The following MTMR9 variants were observed in gnomAD, a reference collection of about 807,000 sequenced individuals.
MTMR9 encodes the protein myotubularin-related protein 9.
A neutral mutation model predicts 69.5 loss-of-function variants in MTMR9; 39 were observed. The ratio of observed to expected loss-of-function variants is 0.56; its 90% CI spans 0.43 to 0.73. The LOEUF (loss-of-function observed/expected upper bound fraction) is 0.73, where lower values mean the gene tolerates loss of function less well. Among genes scored for constraint, MTMR9 ranks in the 30% least tolerant of loss-of-function variants. MTMR9 has a pLI of 0.00. For missense variants in MTMR9, 900 were observed against 671.2 expected (o/e 1.34, Z -3.77); for synonymous variants, 354 against 240.8 (o/e 1.47, Z -4.35).
intron 3 of MTMR9, among the ~76,000 whole-genome samples, chr8:11,304,008 G>A (rs1397630665): frequency 6.6e-6 from 1 of 151,662 alleles, no homozygotes; most frequent in East Asian, 1.9e-4. Flanking sequence ...CCATGGTTAG[G>A]CCAACTCAGA....
At chr8:11,334,192 T>C in the MTMR9 span, among the ~76,000 whole-genome samples, 28 of 152,204 alleles carry the variant, frequency 1.8e-4, no homozygotes, top group African/African-American at 4.6e-4. Flanking sequence ...TATTCTGTTA[T>C]AGTAGCAGAA....
intron 3 of MTMR9, among the ~76,000 whole-genome samples, chr8:11,301,786 A>G (rs1799756721): frequency 6.6e-6 from 1 of 152,222 alleles, no homozygotes; most frequent in African/African-American, 2.4e-5. Context: ...TCTAATGCAA[A>G]TGTTAAGTAG....
At chr8:11,298,662 C>G (rs1799637428) in intron 2 of MTMR9, 1 of 706,444 alleles carries the variant, frequency 1.4e-6, no homozygotes, top group Non-Finnish European at 1.7e-6. Flanking sequence ...AGGTGAATGT[C>G]TCCATCATTC....
Position 11,300,082 on chromosome 8 carries a change from T to G in MTMR9, c.351T>G (p.Phe117Leu), listed in dbSNP as rs1563271338. 1 of 1,613,748 alleles carries G rather than the reference T, an allele frequency of 6.2e-7. No homozygotes were observed. Among genetic ancestry groups the G allele is most frequent in the South Asian group, 1.1e-5 (1 of 91,084 alleles). ...LMYPFFYRPMFEVIEDGWHSF... is the reference protein window; with the variant it reads ...LMYPFFYRPMLEVIEDGWHSF... ...ACCCTTTCTTTTACCGTCCTATGTT[T>G]GAAGTGATAGAAGATGGCTGGCATT... Residue 117 changes from phenylalanine to leucine, a missense_variant, in exon 3 of 10, where the codon TTT (phenylalanine) becomes TTG (leucine). Phe to Leu is a conservative substitution (Grantham distance 22). Transcript: ENST00000221086.
At chr8:11,312,079 C>T (rs950538816) in intron 6 of MTMR9, among the ~76,000 whole-genome samples, 1 of 152,150 alleles carries the variant, frequency 6.6e-6, no homozygotes, top group Non-Finnish European at 1.5e-5. Context: ...GGGCCTTGCT[C>T]TGTCACCCAG....
chr8:11,305,386 G>A (rs770533102), intron 4 of MTMR9, among the ~76,000 whole-genome samples: 5 of 152,170 alleles, frequency 3.3e-5, no homozygotes, highest in Non-Finnish European at 5.9e-5. Context: ...AACTTTACAC[G>A]TGAAAGGTGG....
intron 1 of MTMR9, among the ~76,000 whole-genome samples, chr8:11,288,488 A>T (rs1763356243): frequency 6.6e-6 from 1 of 151,660 alleles, no homozygotes; most frequent in African/African-American, 2.4e-5. Flanking sequence ...CTGACTACAG[A>T]CCGGAATGAA....
At chr8:11,297,463 A>G (rs1027036276) in intron 2 of MTMR9, among the ~76,000 whole-genome samples, 1 of 151,642 alleles carries the variant, frequency 6.6e-6, no homozygotes, top group Non-Finnish European at 1.5e-5. Context: ...ATGTCCCACT[A>G]TTTGGGCATT....
At chr8:11,286,708 C>T (rs1488390148) in intron 1 of MTMR9, among the ~76,000 whole-genome samples, 1 of 149,300 alleles carries the variant, frequency 6.7e-6, no homozygotes, top group African/African-American at 2.5e-5. Context: ...AGTGGTCTCT[C>T]ATTGAAAATC....
downstream of MTMR9, chr8:11,331,067 G>C (rs1162179026): frequency 3.2e-6 from 5 of 1,556,450 alleles, no homozygotes; most frequent in Admixed American, 1.9e-5. Flanking sequence ...AGGGGCCCAG[G>C]CTCCCTGAGC....
chr8:11,298,591 T>G (rs1255333393), intron 2 of MTMR9, among the ~76,000 whole-genome samples: 1 of 152,068 alleles, frequency 6.6e-6, no homozygotes, highest in Admixed American at 6.6e-5. Context: ...CTGATCTTCC[T>G]CTGACCTGGA....
At position 11,328,141 on chromosome 8, in the gene MTMR9, A is replaced by G. The variant is rs1801032754; in HGVS notation, c.*5353A>G. ...TCTGAATATATTTAAGTGCTAATAA[A>G]TTAAATCTGTGGGCTTATTTGAATT... On this transcript the variant is annotated 3_prime_UTR_variant, in exon 10 of 10. Coordinates refer to ENST00000221086, the MANE Select transcript of MTMR9 (RefSeq NM_015458.4). The G allele has an allele frequency of 6.9e-6, 1 of 145,354 alleles. No homozygotes were observed. The highest frequency in any genetic ancestry group is 1.5e-5 in the Non-Finnish European group (1 of 66,862). The allele number at this position is 145,354 out of a possible 1,614,324, so 9.0% of individuals were successfully genotyped here. A position where few individuals can be genotyped will look rare whatever the true frequency, so the allele number is the denominator to read the frequency against.
intron 6 of MTMR9, among the ~76,000 whole-genome samples, chr8:11,312,211 A>AT (rs925590650): frequency 3.3e-5 from 5 of 149,466 alleles, no homozygotes; most frequent in African/African-American, 4.9e-5. Flanking sequence ...CGGTCACCTA[A>AT]TTTTTTTTTT....
At chr8:11,311,974 A>C (rs560621531) in intron 6 of MTMR9, among the ~76,000 whole-genome samples, 1 of 151,864 alleles carries the variant, frequency 6.6e-6, no homozygotes, top group South Asian at 2.1e-4. Context: ...GCTCATCCAT[A>C]AGAAGCAACT....
At chr8:11,297,782 G>A (rs931602476) in intron 2 of MTMR9, 1 of 446,372 alleles carries the variant, frequency 2.2e-6, no homozygotes, top group African/African-American at 2.0e-5. Flanking sequence ...CCTTAGGACT[G>A]AAAAGAAGCC....
In MTMR9 at chr8:11,319,733, G is replaced by T; in HGVS notation, c.1381G>T (p.Val461Phe). 2 of 1,614,160 alleles carry T rather than the reference G, an allele frequency of 1.2e-6. No individual in the cohort carries two copies. Among genetic ancestry groups the T allele is most frequent in the Non-Finnish European group, 1.7e-6 (2 of 1,180,020 alleles). Reference protein sequence around the residue: ...QQKTMSLWSWVNQPSELSKFT... With the variant: ...QQKTMSLWSWFNQPSELSKFT... Reference sequence around the variant, plus strand: ...GAAGACGATGTCTTTGTGGTCCTGGGTTAATCAGCCCAGTGAGCTGAGTAA... The same window carrying T: ...GAAGACGATGTCTTTGTGGTCCTGGTTTAATCAGCCCAGTGAGCTGAGTAA... Residue 461 changes from valine to phenylalanine, a missense_variant, in exon 9 of 10, where the codon GTT becomes TTT. Physicochemically the swap from Val to Phe is conservative, Grantham distance 50. Transcript: ENST00000221086.
downstream of MTMR9, chr8:11,331,772 G>A (rs1470021975): frequency 6.2e-7 from 1 of 1,611,712 alleles, no homozygotes; most frequent in Admixed American, 1.7e-5. Flanking sequence ...TCCCAACAGT[G>A]GCCTTCCTAT....
chr8:11,323,367 A>G lies in MTMR9; in HGVS notation c.*579A>G, dbSNP rs922328158. On this transcript the variant is annotated 3_prime_UTR_variant, in exon 10 of 10. Coordinates refer to ENST00000221086, the MANE Select transcript of MTMR9 (RefSeq NM_015458.4). ...TATTCTCATTCTTGTTTGTCAAGAAAGGAAAATCTGTTATTCAAGGTAAAT... is the reference window on the plus strand; with the variant it reads ...TATTCTCATTCTTGTTTGTCAAGAAGGGAAAATCTGTTATTCAAGGTAAAT... 1 of 152,262 alleles carries G rather than the reference A, an allele frequency of 6.6e-6. No individual in the cohort carries two copies. The highest frequency in any genetic ancestry group is 2.4e-5 in the African/African-American group (1 of 41,480). 9.4% of individuals were successfully genotyped at this position (152,262 alleles called of 1,614,324 possible).
intron 1 of MTMR9, chr8:11,285,272 C>G (rs1218339572): frequency 3.7e-6 from 2 of 536,842 alleles, no homozygotes; most frequent in African/African-American, 2.0e-5. Context: ...GGATGGAGTT[C>G]TCAGGGTTAT....
Sources: gnomAD v4.1 joint callset for allele counts (sites outside exome capture counted in the v4.1 genomes callset) on GRCh38, gnomAD v4.1.1 for gene constraint, MANE v1.5 for transcripts, NCBI Gene and HGNC (gene_info 2026-07-23, HGNC 2026-07-21) for gene names.